Variants in GNG12 observed in about 807,000 individuals in gnomAD.
The protein encoded by GNG12 is guanine nucleotide-binding protein G(I)/G(S)/G(O) subunit gamma-12.
For synonymous variants in GNG12, 28 were observed against 29.7 expected, an observed-to-expected ratio of 0.94 and a Z score of 0.19; for missense variants, 69 against 83.8, an observed-to-expected ratio of 0.82 and a Z score of 0.69.
chr1:67,785,022 C>T (rs1327265431), intron 1 of GNG12, among the ~76,000 whole-genome samples: 4 of 152,146 alleles, frequency 2.6e-5, no homozygotes, highest in Non-Finnish European at 4.4e-5. Flanking sequence ...TGCAGCTGGC[C>T]ACAACCAGAC....
At chr1:67,719,527 C>T (rs1457690244) in intron 2 of GNG12, among the ~76,000 whole-genome samples, 4 of 152,166 alleles carry the variant, frequency 2.6e-5, no homozygotes, top group Middle Eastern at 6.3e-3. Context: ...TCAAAAAGGT[C>T]TATAACACCA....
At chr1:67,771,791 T>G (rs1472841899) in intron 2 of GNG12, among the ~76,000 whole-genome samples, 2 of 152,206 alleles carry the variant, frequency 1.3e-5, no homozygotes, top group Non-Finnish European at 1.5e-5. Context: ...CACAGAATTA[T>G]AATCATGTGT....
At chr1:67,780,777 G>A (rs946453774) in intron 1 of GNG12, among the ~76,000 whole-genome samples, 1 of 152,208 alleles carries the variant, frequency 6.6e-6, no homozygotes, top group Non-Finnish European at 1.5e-5. Flanking sequence ...GCAACTCGGA[G>A]CTTGGCAGAC....
At chr1:67,769,057 C>G (rs564154535) in intron 2 of GNG12, among the ~76,000 whole-genome samples, 2 of 152,100 alleles carry the variant, frequency 1.3e-5, no homozygotes, top group African/African-American at 4.8e-5. Flanking sequence ...TAAATCAGGT[C>G]CACATCTGGA....
intron 2 of GNG12, among the ~76,000 whole-genome samples, chr1:67,745,312 G>A (rs1438624811): frequency 6.6e-6 from 1 of 152,184 alleles, no homozygotes; most frequent in East Asian, 1.9e-4. Context: ...CTGAATTGTT[G>A]ATGTGAAGAA....
At chr1:67,772,307 C>T (rs1646679488) in intron 2 of GNG12, among the ~76,000 whole-genome samples, 1 of 152,214 alleles carries the variant, frequency 6.6e-6, no homozygotes. Flanking sequence ...AGCTGCCCAC[C>T]AGATCCCAAA....
chr1:67,789,745 G>C (rs907559101), intron 1 of GNG12, among the ~76,000 whole-genome samples: 26 of 152,170 alleles, frequency 1.7e-4, no homozygotes, highest in African/African-American at 6.3e-4. Context: ...GAGCCGGAAG[G>C]GTTTGTTTCC....
chr1:67,832,092 C>T (rs1647049646), intron 1 of GNG12, among the ~76,000 whole-genome samples: 1 of 152,156 alleles, frequency 6.6e-6, no homozygotes, highest in Non-Finnish European at 1.5e-5. Context: ...TACAACCGCC[C>T]CAGGAAATAT....
rs372297619 is a variant in GNG12 at position 67,705,420 on chromosome 1, G to A, written c.*31C>T. On this transcript the variant is annotated 3_prime_UTR_variant, in exon 4 of 4. Coordinates refer to ENST00000370982, the MANE Select transcript of GNG12 (RefSeq NM_018841.6). ...GAGCTGCTCATAATTTGCGTTGTTG[G>A]GAAGAGGCGAGGAGCTGTTTCTCTA... 6.0e-5 allele frequency: 97 copies of A among 1,608,576 alleles called. 1 individual carries two copies. The Admixed American group carries it at 1.6e-3, about 27-fold the overall frequency.
chr1:67,744,508 T>C (rs983792765), intron 2 of GNG12, among the ~76,000 whole-genome samples: 2 of 152,118 alleles, frequency 1.3e-5, no homozygotes, highest in African/African-American at 4.8e-5. Context: ...CGAAGAACAT[T>C]TGTAAGAAGG....
intron 1 of GNG12, among the ~76,000 whole-genome samples, chr1:67,803,427 G>A (rs1371378655): frequency 6.6e-6 from 1 of 152,120 alleles, no homozygotes; most frequent in Non-Finnish European, 1.5e-5. Context: ...AAAAAAGGTT[G>A]AGAAGCACTG....
In GNG12 at chr1:67,753,353, G is replaced by GAA. The variant is rs11442263; in HGVS notation, c.-27+24103_-27+24104dup. On this transcript the variant is annotated intron_variant, in intron 2 of 3. Coordinates refer to ENST00000370982, the MANE Select transcript of GNG12 (RefSeq NM_018841.6). ...ATATAATGTAAATATTCCAAAACCT[G>GAA]AAAAAAAAAAAACCTGAAATCTGAA... 1.3e-3 allele frequency among the ~76,000 whole-genome samples: 193 copies of GAA among 146,076 alleles called. 1 individual carries two copies. Among genetic ancestry groups the GAA allele is most frequent in the East Asian group, 8.8e-3 (44 of 5,010 alleles).
chr1:67,793,135 G>A (rs1276300), intron 1 of GNG12, among the ~76,000 whole-genome samples: 111,212 of 152,072 alleles, frequency 0.73, 40,816 homozygotes, highest in Middle Eastern at 0.8. Flanking sequence ...TCCTTTTCTT[G>A]AAGCATAATC....
chr1:67,790,550 T>C (rs1383827638), intron 1 of GNG12, among the ~76,000 whole-genome samples: 2 of 152,110 alleles, frequency 1.3e-5, no homozygotes, highest in Non-Finnish European at 2.9e-5. Flanking sequence ...GATGTATTTA[T>C]GTATCTGCAT....
chr1:67,827,693 G>A (rs1027866370), intron 1 of GNG12, among the ~76,000 whole-genome samples: 1 of 132,792 alleles, frequency 7.5e-6, no homozygotes, highest in African/African-American at 2.9e-5. Flanking sequence ...CCAAAGTGCT[G>A]GGATTACAGG....
intron 1 of GNG12, among the ~76,000 whole-genome samples, chr1:67,788,039 A>C (rs149171074): frequency 6.6e-6 from 1 of 152,216 alleles, no homozygotes; most frequent in Admixed American, 6.5e-5. Context: ...GAACTGGTGC[A>C]AAGTTACATG....
chr1:67,757,555 A>C (rs894995453), intron 2 of GNG12, among the ~76,000 whole-genome samples: 1 of 152,188 alleles, frequency 6.6e-6, no homozygotes, highest in African/African-American at 2.4e-5. Context: ...ACATGGCTGG[A>C]AGATGCCAAG....
At chr1:67,795,836 G>A (rs940537573) in intron 1 of GNG12, among the ~76,000 whole-genome samples, 2 of 152,192 alleles carry the variant, frequency 1.3e-5, no homozygotes, top group Admixed American at 6.5e-5. Context: ...ATGAACCAAG[G>A]TCAGATGCAA....
chr1:67,746,936 G>GT (rs903091427), intron 2 of GNG12, among the ~76,000 whole-genome samples: 46 of 149,034 alleles, frequency 3.1e-4, no homozygotes, highest in South Asian at 1.3e-3. Context: ...AAAAGTGTGT[G>GT]TTTTTTTTTT....
Sources: allele counts gnomAD v4.1 joint callset (sites outside exome capture counted in the v4.1 genomes callset), GRCh38; gene constraint gnomAD v4.1.1; transcripts MANE v1.5; gene names NCBI Gene and HGNC (gene_info 2026-07-23, HGNC 2026-07-21).